The following ATP1A2 variants were observed in gnomAD, a reference collection of about 807,000 sequenced individuals.
The protein encoded by ATP1A2 is ATPase Na+/K+ transporting subunit alpha 2, also known as sodium/potassium-transporting ATPase subunit alpha-2.
In ATP1A2, 56 loss-of-function variants were observed where a neutral mutation model predicts 113.1. That is an observed-to-expected ratio of 0.49 (90% CI 0.40 to 0.62). ATP1A2 has a LOEUF of 0.62. Among genes scored for constraint, ATP1A2 ranks in the 20% least tolerant of loss-of-function variants. ATP1A2 has a pLI of 0.00. For missense variants in ATP1A2, 712 were observed against 1,357.8 expected (o/e 0.52, Z 7.47); for synonymous variants, 490 against 526.8 (o/e 0.93, Z 0.96).
chr1:160,140,899 C>G (rs1216902305), intron 22 of ATP1A2: 2 of 155,478 alleles, frequency 1.3e-5, no homozygotes, highest in Admixed American at 6.8e-5. Context: ...GCTCTGTCGC[C>G]CAACCAGGAG....
Position 160,143,076 on chromosome 1 carries a change from C to T in ATP1A2, c.*1754C>T, listed in dbSNP as rs1024356636. On this transcript the variant is annotated 3_prime_UTR_variant, in exon 23 of 23. Transcript: ENST00000361216. ...AGATAGGTCATGCAAGTGAGAAAGACATCTGAGGAAAATGGAAGACCTAAG... is the reference window on the plus strand; with the variant it reads ...AGATAGGTCATGCAAGTGAGAAAGATATCTGAGGAAAATGGAAGACCTAAG... 8.5e-5 allele frequency: 13 copies of T among 152,272 alleles called. No homozygotes were observed. The highest frequency in any genetic ancestry group is 2.9e-4 in the African/African-American group (12 of 41,456). The allele number at this position is 152,272 out of a possible 1,614,324, so 9.4% of individuals were successfully genotyped here.
rs373796693 is a variant in ATP1A2 at position 160,120,891 on chromosome 1, CCCTT to C, written c.13-11_13-8del. The C allele has an allele frequency of 0.81, 1,267,144 of 1,573,876 alleles. 516,775 individuals carry two copies. Among genetic ancestry groups the C allele is most frequent in the Admixed American group, 0.88 (47,168 of 53,430 alleles). ...CTCTCTTCCCTGACTCTCTGGCTCT[CCCTT>C]CCTCCCTCAGGCTGGCCGTGAGTAC... is the stretch of plus-strand genomic sequence containing the variant. On this transcript the variant is annotated splice_polypyrimidine_tract_variant and intron_variant, in intron 1 of 22. Transcript: ENST00000361216.
rs1327304211 is a variant in ATP1A2, at chr1:160,121,215, T to C, written c.141T>C (p.Asp47=). ...AGGATGACCACAAGCTGTCCTTGGA[T>C]GAGCTGGGCCGCAAATACCAAGTGG... is the stretch of plus-strand genomic sequence containing the variant. ...VAMDDHKLSL[D]ELGRKYQVDL... is the part of the protein sequence containing the mutation. The change falls in exon 3 of 23, where the codon GAT becomes GAC. Residue 47 remains aspartate (D), a synonymous_variant. Coordinates refer to ENST00000361216, the MANE Select transcript of ATP1A2 (RefSeq NM_000702.4). 1.2e-6 allele frequency: 2 copies of C among 1,614,222 alleles called. No individual in the cohort carries two copies. Among genetic ancestry groups the C allele is most frequent in the Non-Finnish European group, 1.7e-6 (2 of 1,180,036 alleles).
Position 160,128,870 on chromosome 1 carries a change from G to T in ATP1A2, c.1216+20G>T, listed in dbSNP as rs753264381. 2 of 1,613,830 alleles carry T rather than the reference G, an allele frequency of 1.2e-6. No homozygotes were observed. The highest frequency in any genetic ancestry group is 1.3e-5 in the African/African-American group (1 of 74,888). On this transcript the variant is annotated intron_variant, in intron 9 of 22. Coordinates refer to ENST00000361216, the MANE Select transcript of ATP1A2 (RefSeq NM_000702.4). Reference sequence around the variant, plus strand: ...AGTCTGGTGATTGGGTGCTCCAGAGGGGGTGGATAGGATTAGAGGAGGCTG... The same window carrying T: ...AGTCTGGTGATTGGGTGCTCCAGAGTGGGTGGATAGGATTAGAGGAGGCTG...
intron 19 of ATP1A2, 49 bp downstream of exon 19, chr1:160,136,764 G>A: frequency 6.2e-7 from 1 of 1,614,146 alleles, no homozygotes; most frequent in Non-Finnish European, 8.5e-7. Flanking sequence ...GGTACGGGAA[G>A]CTGAATGCCT....
At chr1:160,137,270 C>T (rs1186116796) in intron 20 of ATP1A2, 2 of 584,082 alleles carry the variant, frequency 3.4e-6, no homozygotes, top group Non-Finnish European at 5.9e-6. Flanking sequence ...TTCTCTCCCT[C>T]CCTTCTTTCC....
chr1:160,140,674 T>G (rs1376689341), intron 22 of ATP1A2: 1 of 165,902 alleles, frequency 6.0e-6, no homozygotes, highest in African/African-American at 2.4e-5. Flanking sequence ...TCCCTTAGAC[T>G]CTCGTTCGTC....
chr1:160,129,166 C>T, intron 10 of ATP1A2, 77 bp downstream of exon 10: 1 of 1,608,472 alleles, frequency 6.2e-7, no homozygotes, highest in Non-Finnish European at 8.5e-7. Context: ...CTTTCCTTCT[C>T]ACATGATGTG....
chr1:160,121,919 G>A (rs1182310925), intron 3 of ATP1A2, among the ~76,000 whole-genome samples: 1 of 152,148 alleles, frequency 6.6e-6, no homozygotes, highest in Non-Finnish European at 1.5e-5. Context: ...ATCACTTAAG[G>A]TCAGCGGTTT....
rs747064095 is a variant in ATP1A2, at chr1:160,140,422, G to A, written c.3034+438G>A. Among the ~76,000 whole-genome samples the A allele has an allele frequency of 9.9e-5, 15 of 152,018 alleles. 1 individual carries two copies. The highest frequency in any genetic ancestry group is 2.1e-4 in the South Asian group (1 of 4,824). On this transcript the variant is annotated intron_variant, in intron 22 of 22. Coordinates refer to ENST00000361216, the MANE Select transcript of ATP1A2 (RefSeq NM_000702.4). The stretch of plus-strand genomic sequence containing the variant: ...ACAAGTTATTGTTTTTCCTACAAGC[G>A]TTTTTTAATCACTTAGTAGAGGTTA...
chr1:160,129,178 C>T (rs1651688331), intron 10 of ATP1A2, 88 bp from the exon 11 acceptor site: 1 of 1,609,486 alleles, frequency 6.2e-7, no homozygotes, highest in South Asian at 1.1e-5. Context: ...CATGATGTGG[C>T]TGCCTTGGGG....
intron 3 of ATP1A2, 115 bp from the exon 4 acceptor site, chr1:160,123,098 G>A (rs1651468089): frequency 8.1e-7 from 1 of 1,238,286 alleles, no homozygotes; most frequent in East Asian, 2.5e-5. Flanking sequence ...CTTCCAACCA[G>A]GTGGGACTTT....
chr1:160,126,108 C>T (rs1483265386), intron 7 of ATP1A2, among the ~76,000 whole-genome samples: 3 of 152,044 alleles, frequency 2.0e-5, no homozygotes, highest in East Asian at 1.9e-4. Context: ...TTCCCTTCTT[C>T]GACAAGTTGG....
intron 11 of ATP1A2, 113 bp from the exon 12 acceptor site, chr1:160,129,989 T>A (rs943784405): frequency 1.5e-6 from 2 of 1,348,876 alleles, no homozygotes; most frequent in African/African-American, 2.9e-5. Flanking sequence ...TTGTTGACAA[T>A]CTTTGATGGG....
At position 160,136,006 on chromosome 1, in the gene ATP1A2, G is replaced by A. The variant is rs1038003940; in HGVS notation, c.2439+13G>A. The stretch of plus-strand genomic sequence containing the variant: ...GGGCACAGATATGGTGAGCGCAGGA[G>A]GTGGAGGAGGGGACAGGCAAGGCAA... On this transcript the variant is annotated intron_variant, in intron 17 of 22. Coordinates refer to ENST00000361216, the MANE Select transcript of ATP1A2 (RefSeq NM_000702.4). 3.1e-6 allele frequency: 5 copies of A among 1,614,048 alleles called. No individual in the cohort carries two copies. The highest frequency in any genetic ancestry group is 1.3e-5 in the African/African-American group (1 of 74,922).
chr1:160,117,931 C>T (rs1651241915), intron 1 of ATP1A2, among the ~76,000 whole-genome samples: 1 of 147,200 alleles, frequency 6.8e-6, no homozygotes, highest in African/African-American at 2.5e-5. Context: ...GAGAGGGGGA[C>T]TTGTGGTTGG....
At chr1:160,128,322 C>A in intron 8 of ATP1A2, 1 of 570,596 alleles carries the variant, frequency 1.8e-6, no homozygotes, top group Non-Finnish European at 3.2e-6. Flanking sequence ...GTCTGTTCTT[C>A]CTACACCCTG....
intron 7 of ATP1A2, 125 bp downstream of exon 7, chr1:160,125,378 G>A (rs1054303357): frequency 1.1e-6 from 1 of 883,742 alleles, no homozygotes; most frequent in Non-Finnish European, 1.8e-6. Context: ...GAGGGGTCAG[G>A]GGGCCCTGAA....
At position 160,134,220 on chromosome 1, in the gene ATP1A2, ACACACAATCCCCACC is replaced by A. The variant is rs1651859778; in HGVS notation, c.1828-257_1828-243del. On this transcript the variant is annotated intron_variant, in intron 13 of 22. Transcript: ENST00000361216. Reference sequence around the variant, plus strand: ...ACACACAATCCCCACCCCCTCACACACACACAATCCCCACCCACACACACACACACACATCCTACA... The same window carrying A: ...ACACACAATCCCCACCCCCTCACACACACACACACACACACACATCCTACA... Among the ~76,000 whole-genome samples, 12 of 114,752 alleles carry A rather than the reference ACACACAATCCCCACC, an allele frequency of 1.0e-4. No individual in the cohort carries two copies. In the South Asian group the frequency reaches 1.7e-3, roughly 16 times the overall value. The allele number at this position is 114,752 out of a possible 152,430, so 75.3% of individuals were successfully genotyped here.
Sources: gnomAD v4.1 joint callset for allele counts (sites outside exome capture counted in the v4.1 genomes callset) on GRCh38, gnomAD v4.1.1 for gene constraint, MANE v1.5 for transcripts, NCBI Gene and HGNC (gene_info 2026-07-23, HGNC 2026-07-21) for gene names.